Variants in CYTH1 observed in about 807,000 individuals in gnomAD.
The protein encoded by CYTH1 is cytohesin 1.
A neutral mutation model predicts 61.8 loss-of-function variants in CYTH1; 18 were observed. That is an observed-to-expected ratio of 0.29 (90% CI 0.20 to 0.43). The LOEUF (loss-of-function observed/expected upper bound fraction) is 0.43. Ranked by LOEUF, CYTH1 falls within the 20% of genes least tolerant of loss-of-function variation. The pLI, the probability that CYTH1 is intolerant of heterozygous loss-of-function variation, is 1.00. For missense variants in CYTH1, 336 were observed against 510.5 expected, an observed-to-expected ratio of 0.66 and a Z score of 3.29; for synonymous variants, 174 against 184.3, an observed-to-expected ratio of 0.94 and a Z score of 0.45.
chr17:78,723,543 C>T (rs1462049564), intron 1 of CYTH1: 1 of 152,370 alleles, frequency 6.6e-6, no homozygotes, highest in African/African-American at 2.4e-5. Flanking sequence ...AGAGCTGCAG[C>T]CCTAGCAGAC....
chr17:78,693,139 C>T (rs573471137), intron 10 of CYTH1, among the ~76,000 whole-genome samples: 319 of 152,232 alleles, frequency 2.1e-3, no homozygotes, highest in Non-Finnish European at 3.4e-3. Flanking sequence ...AGCAGAATTC[C>T]TCTATCAAGG....
In CYTH1 at chr17:78,760,480, T is replaced by C. The variant is rs1156335780; in HGVS notation, c.22+21722A>G. Among the ~76,000 whole-genome samples, 2 of 48,144 alleles carry C rather than the reference T, an allele frequency of 4.2e-5. 1 individual carries two copies. The highest frequency in any genetic ancestry group is 8.1e-5 in the Non-Finnish European group (2 of 24,844). The allele number at this position is 48,144 out of a possible 152,430, so 31.6% of individuals were successfully genotyped here. ...ACATACATATATATATGTATATATATGTATGTATATATATATACATATATA... is the reference window on the plus strand; with the variant it reads ...ACATACATATATATATGTATATATACGTATGTATATATATATACATATATA... On this transcript the variant is annotated intron_variant, in intron 1 of 13. Coordinates refer to ENST00000446868, the MANE Select transcript of CYTH1 (RefSeq NM_004762.6).
intron 11 of CYTH1, among the ~76,000 whole-genome samples, chr17:78,687,272 T>C (rs553335005): frequency 2.0e-5 from 3 of 152,108 alleles, no homozygotes; most frequent in South Asian, 4.2e-4. Flanking sequence ...CAGTCTACTC[T>C]GTAATCACTC....
At chr17:78,741,036 A>G (rs17736589) in intron 1 of CYTH1, among the ~76,000 whole-genome samples, 22,254 of 152,274 alleles carry the variant, frequency 0.15, 2,019 homozygotes, top group Middle Eastern at 0.21. Context: ...CACAGGCCCT[A>G]TGAAAAGCAA....
intron 11 of CYTH1, among the ~76,000 whole-genome samples, chr17:78,681,507 G>A (rs982916731): frequency 9.9e-5 from 15 of 152,022 alleles, no homozygotes; most frequent in African/African-American, 2.7e-4. Context: ...TCGCCCCACC[G>A]CCAGACAGTA....
chr17:78,780,941 C>G lies in CYTH1; in HGVS notation c.22+1261G>C, dbSNP rs556572658. 8.5e-5 allele frequency among the ~76,000 whole-genome samples: 13 copies of G among 152,152 alleles called. No homozygotes were observed. In the East Asian group the frequency reaches 2.5e-3, roughly 29 times the overall value. On this transcript the variant is annotated intron_variant, in intron 1 of 13. Transcript: ENST00000446868. ...AGAATCGCTCAGCTCACCCAGGAGG[C>G]CGAGGTTGCAGTGAGCCGAGATGGC... is the stretch of plus-strand genomic sequence containing the variant.
chr17:78,763,307 A>G (rs981462293), intron 1 of CYTH1, among the ~76,000 whole-genome samples: 1 of 152,032 alleles, frequency 6.6e-6, no homozygotes, highest in Non-Finnish European at 1.5e-5. Flanking sequence ...CGTGCCAAAA[A>G]AAAAAAAAAG....
intron 1 of CYTH1, among the ~76,000 whole-genome samples, chr17:78,739,972 G>C (rs982008026): frequency 1.2e-4 from 18 of 151,980 alleles, no homozygotes; most frequent in Non-Finnish European, 4.4e-5. Flanking sequence ...GTCTCGCTCT[G>C]TTGCCCAGGC....
intron 1 of CYTH1, among the ~76,000 whole-genome samples, chr17:78,716,198 T>C (rs1040899289): frequency 6.6e-6 from 1 of 152,048 alleles, no homozygotes; most frequent in African/African-American, 2.4e-5. Context: ...ATTTAAGAAC[T>C]TGGCAGCACC....
intron 1 of CYTH1, among the ~76,000 whole-genome samples, chr17:78,773,595 C>T (rs1406107131): frequency 1.3e-5 from 2 of 149,500 alleles, no homozygotes; most frequent in Admixed American, 1.3e-4. Context: ...TGCCACTGCA[C>T]TGCAGCCTGG....
At chr17:78,688,708 T>C (rs978427109) in intron 11 of CYTH1, among the ~76,000 whole-genome samples, 5 of 152,210 alleles carry the variant, frequency 3.3e-5, no homozygotes, top group African/African-American at 1.2e-4. Context: ...TACATTTTTT[T>C]CTTTTGAAAA....
intron 1 of CYTH1, among the ~76,000 whole-genome samples, chr17:78,779,516 A>G (rs1330309194): frequency 6.6e-6 from 1 of 152,150 alleles, no homozygotes; most frequent in African/African-American, 2.4e-5. Flanking sequence ...TAATCCCCAG[A>G]ACTTGTGAAT....
chr17:78,740,300 C>G (rs922359664), intron 1 of CYTH1, among the ~76,000 whole-genome samples: 2 of 152,224 alleles, frequency 1.3e-5, no homozygotes, highest in African/African-American at 4.8e-5. Flanking sequence ...ACAGCCTCTG[C>G]CTTAAAGGCC....
At chr17:78,708,098 C>T in intron 3 of CYTH1, 99 bp downstream of exon 3, 1 of 1,211,142 alleles carries the variant, frequency 8.3e-7, no homozygotes, top group Non-Finnish European at 1.2e-6. Context: ...AGACACAAAG[C>T]TGACTTTTTC....
chr17:78,714,938 C>T (rs1157221063), intron 1 of CYTH1, among the ~76,000 whole-genome samples: 2 of 151,954 alleles, frequency 1.3e-5, no homozygotes, highest in African/African-American at 2.4e-5. Context: ...AAGAATACGG[C>T]CTTGCAAATT....
At chr17:78,735,817 T>G (rs1330507921) in intron 1 of CYTH1, among the ~76,000 whole-genome samples, 4 of 152,220 alleles carry the variant, frequency 2.6e-5, no homozygotes, top group Admixed American at 6.5e-5. Context: ...TTTTACTATT[T>G]TGTCTTGCAG....
At chr17:78,749,813 A>G (rs1057413530) in intron 1 of CYTH1, among the ~76,000 whole-genome samples, 2 of 152,104 alleles carry the variant, frequency 1.3e-5, no homozygotes, top group Non-Finnish European at 2.9e-5. Flanking sequence ...TTTACTTAAT[A>G]CATTGTTCAG....
intron 10 of CYTH1, among the ~76,000 whole-genome samples, chr17:78,693,631 A>G (rs2092910811): frequency 6.8e-6 from 1 of 147,726 alleles, no homozygotes; most frequent in Non-Finnish European, 1.5e-5. Flanking sequence ...AAAAAAAAAG[A>G]AAAAAAAAAG....
chr17:78,677,212 C>A (rs1255076694), intron 13 of CYTH1: 1 of 394,248 alleles, frequency 2.5e-6, no homozygotes. Flanking sequence ...GCCGGGACAC[C>A]TGCTTTCATG....
Sources: gnomAD v4.1 joint callset for allele counts (sites outside exome capture counted in the v4.1 genomes callset) on GRCh38, gnomAD v4.1.1 for gene constraint, MANE v1.5 for transcripts, NCBI Gene and HGNC (gene_info 2026-07-23, HGNC 2026-07-21) for gene names.